TMPRSS9: variants seen among roughly 807,000 people sequenced by gnomAD.
The protein encoded by TMPRSS9 is transmembrane serine protease 9.
In TMPRSS9, 113 loss-of-function variants were observed where a neutral mutation model predicts 111.4. The ratio of observed to expected loss-of-function variants is 1.01; its 90% confidence interval spans 0.87 to 1.19. The LOEUF is 1.19. TMPRSS9 is among the 50% of genes most tolerant of loss of function. TMPRSS9 has a pLI of 0.00. For missense variants in TMPRSS9, 1,803 were observed against 1,513.1 expected (o/e 1.19, Z -3.18); for synonymous variants, 805 against 659.1 (o/e 1.22, Z -3.39).
chr19:2,414,876 GAAAAAGA>G (rs1971188956), intron 10 of TMPRSS9, among the ~76,000 whole-genome samples: 5 of 146,378 alleles, frequency 3.4e-5, no homozygotes, highest in East Asian at 2.1e-4. Context: ...ACTCCATCTC[GAAAAAGA>G]AAAAAGAAAA....
At chr19:2,363,585 G>C (rs1970221036) in intron 1 of TMPRSS9, among the ~76,000 whole-genome samples, 1 of 151,856 alleles carries the variant, frequency 6.6e-6, no homozygotes, top group South Asian at 2.1e-4. Flanking sequence ...GCGTGCAACT[G>C]TGGGTGATGG....
At chr19:2,381,003 C>G (rs1199842023) in intron 1 of TMPRSS9, among the ~76,000 whole-genome samples, 1 of 152,074 alleles carries the variant, frequency 6.6e-6, no homozygotes, top group Non-Finnish European at 1.5e-5. Flanking sequence ...AAATCAAAGA[C>G]CCCTGTACAC....
At chr19:2,373,428 T>C (rs531666065) in intron 1 of TMPRSS9, among the ~76,000 whole-genome samples, 15 of 151,022 alleles carry the variant, frequency 9.9e-5, no homozygotes, top group Non-Finnish European at 1.2e-4. Flanking sequence ...TAGGGTTTTG[T>C]GATGTTGGCC....
At chr19:2,423,626 C>T (rs1189562234) in intron 14 of TMPRSS9, among the ~76,000 whole-genome samples, 1 of 152,144 alleles carries the variant, frequency 6.6e-6, no homozygotes. Context: ...TGGAAACCAC[C>T]CACGTGTTCT....
chr19:2,369,036 C>T (rs551192391), intron 1 of TMPRSS9, among the ~76,000 whole-genome samples: 17 of 151,106 alleles, frequency 1.1e-4, no homozygotes, highest in African/African-American at 4.1e-4. Context: ...ACTGTAACCT[C>T]CACCTCCCGG....
At chr19:2,373,672 G>A (rs936414911) in intron 1 of TMPRSS9, among the ~76,000 whole-genome samples, 3 of 152,106 alleles carry the variant, frequency 2.0e-5, no homozygotes, top group Non-Finnish European at 2.9e-5. Flanking sequence ...GCTAATATTC[G>A]TATTTTTAGT....
chr19:2,416,430 C>T (rs1971231909), intron 11 of TMPRSS9, 108 bp from the exon 13 acceptor site: 1 of 1,434,614 alleles, frequency 7.0e-7, no homozygotes, highest in African/African-American at 1.4e-5. Context: ...GTCCTGGGGC[C>T]CAGGCAGCCC....
chr19:2,383,647 A>ATTTTTTTTTTTTTTT (rs1970414606), intron 1 of TMPRSS9, among the ~76,000 whole-genome samples: 1 of 146,656 alleles, frequency 6.8e-6, no homozygotes, highest in African/African-American at 2.5e-5. Context: ...CTACAAAGAA[A>ATTTTTTTTTTTTTTT]TTTTTTAACT....
exon 18 of TMPRSS9, chr19:2,425,943 C>T (rs888147494): frequency 6.2e-7 from 1 of 1,600,002 alleles, no homozygotes; most frequent in Non-Finnish European, 8.5e-7. Context: ...GCTGGGGGAC[C>T]CCTGGCCTGC....
At chr19:2,396,590 G>A (rs1396038836) in exon 2 of TMPRSS9, 3 of 1,611,522 alleles carry the variant, frequency 1.9e-6, no homozygotes, top group African/African-American at 1.3e-5. Flanking sequence ...GAGCTGCGGG[G>A]AATCCGGTGG....
At chr19:2,403,310 A>G in intron 6 of TMPRSS9, 115 bp downstream of exon 7, 3 of 860,106 alleles carry the variant, frequency 3.5e-6, no homozygotes, top group Non-Finnish European at 5.6e-6. Flanking sequence ...CCTGGCATTT[A>G]TGGGGGCTGG....
At chr19:2,392,566 GGCC>G (rs1348600054) in intron 1 of TMPRSS9, among the ~76,000 whole-genome samples, 1 of 152,166 alleles carries the variant, frequency 6.6e-6, no homozygotes, top group Non-Finnish European at 1.5e-5. Context: ...AATTAGCCAG[GGCC>G]GGGCGAAGCC....
intron 1 of TMPRSS9, among the ~76,000 whole-genome samples, chr19:2,375,394 G>T (rs1002907960): frequency 7.0e-6 from 1 of 142,448 alleles, no homozygotes; most frequent in Admixed American, 6.8e-5. Flanking sequence ...CTAGGTCAGG[G>T]TCTAGTGTGG....
chr19:2,416,641 C>A, exon 12 of TMPRSS9: 1 of 1,613,026 alleles, frequency 6.2e-7, no homozygotes. Flanking sequence ...GCTGCACCCC[C>A]TCTACAACCC....
intron 1 of TMPRSS9, among the ~76,000 whole-genome samples, chr19:2,392,432 C>T (rs761755937): frequency 3.3e-5 from 5 of 149,966 alleles, no homozygotes; most frequent in Admixed American, 6.7e-5. Flanking sequence ...TGATGCCAGG[C>T]GTAGTGGCTC....
At chr19:2,365,327 T>G (rs756558415) in intron 1 of TMPRSS9, among the ~76,000 whole-genome samples, 14 of 150,950 alleles carry the variant, frequency 9.3e-5, no homozygotes, top group Non-Finnish European at 1.6e-4. Context: ...AAAAAGACCA[T>G]AGACAAAATG....
At chr19:2,419,072 G>A (rs866930638) in intron 13 of TMPRSS9, among the ~76,000 whole-genome samples, 1 of 2,890 alleles carries the variant, frequency 3.5e-4, no homozygotes, top group Non-Finnish European at 7.0e-4. Flanking sequence ...CTTCCCTCCC[G>A]CCCTCTCCTT....
chr19:2,402,672 A>C (rs1018347721), intron 5 of TMPRSS9, among the ~76,000 whole-genome samples: 12 of 152,196 alleles, frequency 7.9e-5, no homozygotes, highest in African/African-American at 2.9e-4. Context: ...AGGGAGGCGG[A>C]GGTTGCGGTG....
At chr19:2,393,930 C>G (rs952586717) in intron 1 of TMPRSS9, among the ~76,000 whole-genome samples, 9 of 138,046 alleles carry the variant, frequency 6.5e-5, no homozygotes, top group African/African-American at 1.9e-4. Context: ...AAGCTGGGCG[C>G]GGTGGCTCCC....
Sources: allele counts gnomAD v4.1 joint callset (sites outside exome capture counted in the v4.1 genomes callset), GRCh38; gene constraint gnomAD v4.1.1; transcripts MANE v1.5; gene names NCBI Gene and HGNC (gene_info 2026-07-23, HGNC 2026-07-21).